The following ARMC9 variants were observed in gnomAD, a reference collection of about 807,000 sequenced individuals.
ARMC9 encodes lisH domain-containing protein ARMC9.
In ARMC9, 94 loss-of-function variants were observed where a neutral mutation model predicts 107.0. The observed-to-expected ratio is 0.88, with a 90% confidence interval of 0.74 to 1.04. The LOEUF is 1.04. Among genes scored for constraint, ARMC9 ranks in the 50% least tolerant of loss-of-function variants. The pLI, the probability that ARMC9 is intolerant of heterozygous loss-of-function variation, is 0.00. For synonymous variants in ARMC9, 380 were observed against 396.9 expected (o/e 0.96, Z 0.51); for missense variants, 942 against 1,030.1 (o/e 0.91, Z 1.17).
chr2:231,317,345 A>G (rs1261752004), intron 19 of ARMC9, among the ~76,000 whole-genome samples: 1 of 151,760 alleles, frequency 6.6e-6, no homozygotes, highest in Non-Finnish European at 1.5e-5. Context: ...TGATTTTTAT[A>G]TTTTTAGTCG....
At chr2:231,311,420 A>C (rs1314184823) in intron 19 of ARMC9, among the ~76,000 whole-genome samples, 1 of 152,228 alleles carries the variant, frequency 6.6e-6, no homozygotes, top group Non-Finnish European at 1.5e-5. Flanking sequence ...CACTTGGCAC[A>C]TACCAATGGT....
chr2:231,250,694 T>TG (rs2037223640), intron 9 of ARMC9, among the ~76,000 whole-genome samples: 1 of 151,970 alleles, frequency 6.6e-6, no homozygotes, highest in Non-Finnish European at 1.5e-5. Flanking sequence ...GGAGAGGAGC[T>TG]GGTGACTAAA....
intron 20 of ARMC9, among the ~76,000 whole-genome samples, chr2:231,336,695 C>T (rs1052480447): frequency 3.3e-5 from 5 of 152,208 alleles, no homozygotes; most frequent in Admixed American, 1.3e-4. Context: ...TAAGAATCCC[C>T]GAAAGGGCTG....
chr2:231,287,158 C>G (rs563868605), intron 17 of ARMC9, among the ~76,000 whole-genome samples: 3 of 152,336 alleles, frequency 2.0e-5, no homozygotes, highest in Admixed American at 1.3e-4. Flanking sequence ...CCAAGCACAC[C>G]ATGGGGCTGC....
At chr2:231,286,020 G>T (rs1406471132) in intron 17 of ARMC9, among the ~76,000 whole-genome samples, 2 of 152,172 alleles carry the variant, frequency 1.3e-5, no homozygotes, top group Non-Finnish European at 2.9e-5. Flanking sequence ...CAAGGAAAAC[G>T]TTTCCCACAA....
intron 9 of ARMC9, among the ~76,000 whole-genome samples, chr2:231,253,749 T>C (rs1377004484): frequency 1.3e-5 from 2 of 151,936 alleles, no homozygotes; most frequent in South Asian, 2.1e-4. Context: ...GGCTGCAGAG[T>C]CCAGAAACAA....
chr2:231,296,027 G>T, intron 18 of ARMC9, 171 bp from the exon 19 acceptor site: 1 of 432,840 alleles, frequency 2.3e-6, no homozygotes, highest in East Asian at 3.4e-5. Flanking sequence ...TGCTTAGGAT[G>T]ATCTCAGACA....
intron 12 of ARMC9, chr2:231,270,699 C>T (rs1559380474): frequency 7.0e-6 from 4 of 574,652 alleles, no homozygotes; most frequent in Admixed American, 4.4e-5. Context: ...ACAGCCGCAA[C>T]GGTAACAGCA....
chr2:231,206,258 A>T lies in ARMC9; in HGVS notation c.20A>T (p.His7Leu). The change falls in exon 2 of 25, where the codon CAT becomes CTT. Residue 7 changes from histidine (H) to leucine (L), a missense_variant. Physicochemically the swap from His to Leu is moderately conservative, Grantham distance 99. Coordinates refer to ENST00000611582, the MANE Select transcript of ARMC9 (RefSeq NM_001352754.2). ...TTCAATATGGGGGACATTCTGGCTC[A>T]TGAATCTGAATTACTTGGACTAGTG... MGDILA[H>L]ESELLGLVKE... 6.2e-7 allele frequency: 1 copy of T among 1,613,880 alleles called. No homozygotes were observed.
chr2:231,346,644 G>T (rs1166724021), intron 21 of ARMC9, among the ~76,000 whole-genome samples: 1 of 151,962 alleles, frequency 6.6e-6, no homozygotes, highest in Non-Finnish European at 1.5e-5. Context: ...ACATTTTTTT[G>T]CTGAACTATC....
Position 231,360,893 on chromosome 2 carries a change from A to T in ARMC9, c.2261+10A>T, listed in dbSNP as rs1403213162. ...ATGGAGTGACCACCAGGTAAGGGGG[A>T]TATCACAAGGCCTCGAACCTGACTC... On this transcript the variant is annotated intron_variant, in intron 23 of 24. Coordinates refer to ENST00000611582, the MANE Select transcript of ARMC9 (RefSeq NM_001352754.2). This position sits in a 1 kb window ranked among gnomAD's most constrained non-coding sequence, Gnocchi z 4.7. 2.6e-6 allele frequency: 4 copies of T among 1,519,682 alleles called. No homozygotes were observed. The East Asian group carries it at 9.8e-5, about 37-fold the overall frequency. 94.1% of individuals were successfully genotyped at this position (1,519,682 alleles called of 1,614,324 possible).
chr2:231,237,172 A>ATACGTGTGTGTG (rs1553601747), intron 8 of ARMC9, among the ~76,000 whole-genome samples: 1 of 87,850 alleles, frequency 1.1e-5, no homozygotes, highest in Non-Finnish European at 2.2e-5. Context: ...TTCTCTGCGT[A>ATACGTGTGTGTG]TGCGTGTGTG....
At chr2:231,254,057 C>T (rs2037536463) in intron 9 of ARMC9, among the ~76,000 whole-genome samples, 1 of 152,148 alleles carries the variant, frequency 6.6e-6, no homozygotes, top group South Asian at 2.1e-4. Flanking sequence ...TGACGCAGCA[C>T]AGCTGGCTCT....
intron 23 of ARMC9, among the ~76,000 whole-genome samples, chr2:231,364,264 C>A (rs561126603): frequency 6.6e-5 from 10 of 152,372 alleles, no homozygotes; most frequent in Admixed American, 3.9e-4. Context: ...AGTTCACCTC[C>A]ACGTGGCCTG....
chr2:231,300,795 T>C (rs1165739105), intron 19 of ARMC9, among the ~76,000 whole-genome samples: 1 of 152,012 alleles, frequency 6.6e-6, no homozygotes, highest in Non-Finnish European at 1.5e-5. Context: ...TGATCACAGA[T>C]TCATAAAGGT....
At chr2:231,305,173 A>G (rs112871228) in intron 19 of ARMC9, among the ~76,000 whole-genome samples, 21 of 152,346 alleles carry the variant, frequency 1.4e-4, no homozygotes, top group African/African-American at 3.1e-4. Context: ...ATGAAACTCT[A>G]TCTACCTGTC....
At chr2:231,367,301 T>C (rs1042242465) in intron 23 of ARMC9, among the ~76,000 whole-genome samples, 2 of 152,222 alleles carry the variant, frequency 1.3e-5, no homozygotes, top group African/African-American at 2.4e-5. Flanking sequence ...GCCCAGGCTT[T>C]CTCTCCTTGG....
intron 4 of ARMC9, chr2:231,215,293 G>T: frequency 3.5e-6 from 1 of 283,946 alleles, no homozygotes; most frequent in Non-Finnish European, 6.6e-6. Flanking sequence ...ATGTAGGCGT[G>T]TATGTCTAAG....
chr2:231,324,134 T>G (rs1194426443), intron 19 of ARMC9, among the ~76,000 whole-genome samples: 1 of 143,758 alleles, frequency 7.0e-6, no homozygotes, highest in Non-Finnish European at 1.5e-5. Flanking sequence ...TTTTTTTTTT[T>G]TTTTTTTTTT....
Sources: gnomAD v4.1 joint callset for allele counts (sites outside exome capture counted in the v4.1 genomes callset) on GRCh38, gnomAD v4.1.1 for gene constraint, Gnocchi (gnomAD v3.1) non-coding constraint, MANE v1.5 for transcripts, NCBI Gene and HGNC (gene_info 2026-07-23, HGNC 2026-07-21) for gene names.